Variants in GRM7 observed in about 807,000 individuals in gnomAD.
GRM7 encodes glutamate metabotropic receptor 7, also known as metabotropic glutamate receptor 7.
In GRM7, 35 loss-of-function variants were observed where a neutral mutation model predicts 84.5. The ratio of observed to expected loss-of-function variants is 0.41; its 90% CI spans 0.32 to 0.55. The LOEUF (loss-of-function observed/expected upper bound fraction) is 0.55, where lower values mean the gene tolerates loss of function less well. Among genes scored for constraint, GRM7 ranks in the 20% least tolerant of loss-of-function variants. The probability of loss-of-function intolerance (pLI) is 0.19; values close to 1 mark genes in which losing one functional copy is unlikely to be tolerated. For synonymous variants in GRM7, 487 were observed against 455.1 expected (o/e 1.07, Z -0.89); for missense variants, 1,003 against 1,194.6 (o/e 0.84, Z 2.36).
At chr3:7,568,810 G>A (rs1353380779) in intron 7 of GRM7, among the ~76,000 whole-genome samples, 48 of 152,100 alleles carry the variant, frequency 3.2e-4, no homozygotes, top group Admixed American at 3.0e-3. Flanking sequence ...TTGATTTCTT[G>A]CCGGGCCTTA....
chr3:6,866,142 A>G (rs1694931149), intron 1 of GRM7, among the ~76,000 whole-genome samples: 1 of 152,208 alleles, frequency 6.6e-6, no homozygotes, highest in African/African-American at 2.4e-5. Context: ...CAATGAATGC[A>G]TTTACTTCAA....
chr3:7,119,032 G>A (rs1295882797), intron 1 of GRM7, among the ~76,000 whole-genome samples: 2 of 152,014 alleles, frequency 1.3e-5, no homozygotes, highest in African/African-American at 4.8e-5. Flanking sequence ...TTAAAGCGTA[G>A]CAACAAATTT....
chr3:7,275,078 T>C (rs1699004542), intron 2 of GRM7, among the ~76,000 whole-genome samples: 2 of 152,140 alleles, frequency 1.3e-5, no homozygotes, highest in Non-Finnish European at 2.9e-5. Context: ...TCCAGTCTAC[T>C]AGTGAGCCCA....
chr3:7,454,099 C>A (rs951236086), intron 6 of GRM7, among the ~76,000 whole-genome samples: 63 of 151,036 alleles, frequency 4.2e-4, no homozygotes, highest in Non-Finnish European at 7.2e-4. Context: ...CACTCTCTCT[C>A]TCTCTCTCTC....
chr3:7,719,155 G>C (rs917966889), intron 9 of GRM7, among the ~76,000 whole-genome samples: 2 of 152,122 alleles, frequency 1.3e-5, no homozygotes. Context: ...AGAAAATACA[G>C]TGTTTTTCTC....
intron 2 of GRM7, among the ~76,000 whole-genome samples, chr3:7,213,626 A>G (rs1349352865): frequency 2.0e-5 from 3 of 152,174 alleles, no homozygotes; most frequent in Admixed American, 6.5e-5. Flanking sequence ...AATGGCGGGA[A>G]CAGGAGGATA....
At chr3:7,118,096 C>T (rs891534270) in intron 1 of GRM7, among the ~76,000 whole-genome samples, 2 of 152,006 alleles carry the variant, frequency 1.3e-5, no homozygotes, top group Non-Finnish European at 2.9e-5. Context: ...TATAAAAACC[C>T]AAAAGAAGGC....
chr3:7,579,377 A>G lies in GRM7; in HGVS notation c.2451+20A>G. 2 of 1,385,784 alleles carry G rather than the reference A, an allele frequency of 1.4e-6. No homozygotes were observed. The highest frequency in any genetic ancestry group is 1.4e-5 in the South Asian group (1 of 70,624). The allele number at this position is 1,385,784 out of a possible 1,614,324, so 85.8% of individuals were successfully genotyped here. On this transcript the variant is annotated intron_variant, in intron 8 of 9. Coordinates refer to ENST00000357716, the MANE Select transcript of GRM7 (RefSeq NM_000844.4). ...GAAAAGGTAAGTGAAAATGCACATCATAATATGTTTTTTAAAAATGTGTTC... is the reference window on the plus strand; with the variant it reads ...GAAAAGGTAAGTGAAAATGCACATCGTAATATGTTTTTTAAAAATGTGTTC...
At chr3:7,466,462 G>T (rs1471962013) in intron 7 of GRM7, among the ~76,000 whole-genome samples, 2 of 152,178 alleles carry the variant, frequency 1.3e-5, no homozygotes, top group Non-Finnish European at 2.9e-5. Context: ...TCTGAAAAAG[G>T]CAAGAAATGG....
At chr3:7,498,182 C>CT (rs1048311881) in intron 7 of GRM7, among the ~76,000 whole-genome samples, 87 of 151,464 alleles carry the variant, frequency 5.7e-4, no homozygotes, top group African/African-American at 1.2e-3. Flanking sequence ...CCTTGCCTCC[C>CT]TTTTTTTTTA....
intron 8 of GRM7, among the ~76,000 whole-genome samples, chr3:7,671,364 T>G (rs554927916): frequency 6.6e-6 from 1 of 152,032 alleles, no homozygotes; most frequent in Non-Finnish European, 1.5e-5. Flanking sequence ...TATTTGGGAA[T>G]AGACACTGCA....
chr3:7,487,263 A>G (rs1293829204), intron 7 of GRM7, among the ~76,000 whole-genome samples: 2 of 152,196 alleles, frequency 1.3e-5, no homozygotes, highest in African/African-American at 2.4e-5. Flanking sequence ...TTATAATTAA[A>G]AGGAAAGCAG....
intron 1 of GRM7, among the ~76,000 whole-genome samples, chr3:6,896,413 A>G (rs1335508907): frequency 2.6e-5 from 4 of 152,200 alleles, no homozygotes; most frequent in Non-Finnish European, 1.5e-5. Context: ...GTGAAGTCTT[A>G]GGTCATTTGA....
At chr3:7,285,666 G>A (rs1447058029) in intron 2 of GRM7, among the ~76,000 whole-genome samples, 3 of 151,960 alleles carry the variant, frequency 2.0e-5, no homozygotes, top group African/African-American at 4.8e-5. Context: ...GAATGTGTGC[G>A]TTCTAGGATG....
intron 9 of GRM7, among the ~76,000 whole-genome samples, chr3:7,695,216 G>C (rs995814694): frequency 6.6e-6 from 1 of 152,158 alleles, no homozygotes; most frequent in Non-Finnish European, 1.5e-5. Flanking sequence ...ACTAAATAAA[G>C]CTGAAGTTAA....
intron 2 of GRM7, among the ~76,000 whole-genome samples, chr3:7,215,018 G>A (rs913333041): frequency 6.6e-6 from 1 of 152,088 alleles, no homozygotes; most frequent in Non-Finnish European, 1.5e-5. Flanking sequence ...TCTGTTTGAT[G>A]AAATCATATA....
At chr3:7,317,127 GTC>G (rs1015991083) in intron 4 of GRM7, among the ~76,000 whole-genome samples, 10 of 152,170 alleles carry the variant, frequency 6.6e-5, no homozygotes, top group Admixed American at 4.6e-4. Context: ...ATTTGACAAT[GTC>G]TCTACATCAT....
At chr3:6,976,864 C>G (rs1197194579) in intron 1 of GRM7, among the ~76,000 whole-genome samples, 1 of 152,272 alleles carries the variant, frequency 6.6e-6, no homozygotes, top group East Asian at 1.9e-4. Flanking sequence ...AAATATCCAG[C>G]CTGTGACAGA....
intron 2 of GRM7, among the ~76,000 whole-genome samples, chr3:7,231,731 C>A (rs980076648): frequency 1.3e-5 from 2 of 152,140 alleles, no homozygotes; most frequent in Non-Finnish European, 2.9e-5. Context: ...ATGAGGAAAC[C>A]AAGGCATTTA....
Sources: gnomAD v4.1 joint callset for allele counts (sites outside exome capture counted in the v4.1 genomes callset) on GRCh38, gnomAD v4.1.1 for gene constraint, MANE v1.5 for transcripts, NCBI Gene and HGNC (gene_info 2026-07-23, HGNC 2026-07-21) for gene names.